PCDH15: variants seen among roughly 807,000 people sequenced by gnomAD.
PCDH15 encodes protocadherin related 15.
In PCDH15, 129 loss-of-function variants were observed where a neutral mutation model predicts 178.5. That is an observed-to-expected ratio of 0.72 (90% CI 0.63 to 0.84). PCDH15 has a LOEUF of 0.84. Among genes scored for constraint, PCDH15 ranks in the 40% least tolerant of loss-of-function variants. The pLI is 0.00. For missense variants in PCDH15, 2,230 were observed against 2,099.9 expected (o/e 1.06, Z -1.21); for synonymous variants, 800 against 732.0 (o/e 1.09, Z -1.50).
At chr10:54,731,574 A>C (rs1943405356) in intron 1 of PCDH15, among the ~76,000 whole-genome samples, 1 of 133,418 alleles carries the variant, frequency 7.5e-6, no homozygotes, top group South Asian at 2.4e-4. Flanking sequence ...ACACACACAC[A>C]CACACACACA....
chr10:55,258,881 T>A (rs1022803293), intron 1 of PCDH15, among the ~76,000 whole-genome samples: 1 of 150,980 alleles, frequency 6.6e-6, no homozygotes, highest in Non-Finnish European at 1.5e-5. Context: ...TCAAAAAGTA[T>A]CAAAAAACTG....
intron 3 of PCDH15, among the ~76,000 whole-genome samples, chr10:54,836,567 C>A (rs1244697996): frequency 6.6e-6 from 1 of 151,978 alleles, no homozygotes; most frequent in African/African-American, 2.4e-5. Context: ...GTGTGTGTCT[C>A]TGTGTGCATT....
At chr10:55,172,652 T>G (rs1839370116) in intron 1 of PCDH15, among the ~76,000 whole-genome samples, 1 of 152,048 alleles carries the variant, frequency 6.6e-6, no homozygotes, top group Non-Finnish European at 1.5e-5. Context: ...TATTTAGTCA[T>G]TACATTTTCC....
intron 2 of PCDH15, among the ~76,000 whole-genome samples, chr10:55,047,192 T>C (rs1337034784): frequency 6.6e-6 from 1 of 151,916 alleles, no homozygotes; most frequent in Non-Finnish European, 1.5e-5. Flanking sequence ...TTAGTATGGT[T>C]GAAATACTTA....
At chr10:55,531,708 A>G (rs935459945) in intron 2 of PCDH15, among the ~76,000 whole-genome samples, 19 of 152,044 alleles carry the variant, frequency 1.2e-4, no homozygotes, top group Admixed American at 1.1e-3. Flanking sequence ...TAATTGAATA[A>G]CAGATGTTGT....
chr10:54,192,217 GAGAA>G (rs2049110564), intron 11 of PCDH15, among the ~76,000 whole-genome samples: 3 of 146,984 alleles, frequency 2.0e-5, no homozygotes, highest in Non-Finnish European at 4.5e-5. Context: ...GAAGGAAAAA[GAGAA>G]AGAAAGGAGA....
intron 1 of PCDH15, among the ~76,000 whole-genome samples, chr10:55,214,641 T>G (rs1840655098): frequency 6.6e-6 from 1 of 151,964 alleles, no homozygotes; most frequent in African/African-American, 2.4e-5. Flanking sequence ...TTTCATGGAC[T>G]GTTTTTATTT....
chr10:55,386,493 T>A lies in PCDH15; in HGVS notation c.-155-219842A>T, dbSNP rs1045218214. Among the ~76,000 whole-genome samples the A allele has an allele frequency of 5.9e-5, 9 of 152,078 alleles. No individual in the cohort carries two copies. The South Asian group carries it at 8.3e-4, about 14-fold the overall frequency. On this transcript the variant is annotated intron_variant, in intron 2 of 5. Transcript: ENST00000613346. ...TCACTATTGTATTGGAGAATGCAAG[T>A]TAAAATAAAAAAGGATGCATTGTCT... is the stretch of plus-strand genomic sequence containing the variant.
intron 1 of PCDH15, among the ~76,000 whole-genome samples, chr10:54,797,052 G>A (rs1009069944): frequency 6.6e-6 from 1 of 151,970 alleles, no homozygotes; most frequent in African/African-American, 2.4e-5. Flanking sequence ...CCTTTTGAAT[G>A]ATGCACTTCA....
At chr10:54,480,271 TAAG>T (rs1301137548) in intron 3 of PCDH15, among the ~76,000 whole-genome samples, 7 of 152,162 alleles carry the variant, frequency 4.6e-5, no homozygotes, top group African/African-American at 1.2e-4. Context: ...GTGGGTCAAG[TAAG>T]AAGAAGTAAT....
At chr10:55,520,777 T>G (rs2132164290) in intron 2 of PCDH15, among the ~76,000 whole-genome samples, 1 of 151,990 alleles carries the variant, frequency 6.6e-6, no homozygotes, top group East Asian at 1.9e-4. Flanking sequence ...TCTCTCTGAT[T>G]ACTCTTCTGT....
chr10:55,163,879 G>A (rs192814694), intron 2 of PCDH15, among the ~76,000 whole-genome samples: 22 of 152,164 alleles, frequency 1.4e-4, no homozygotes, highest in Middle Eastern at 6.8e-3. Flanking sequence ...CTTGTTTAGC[G>A]CATGATCAAG....
At chr10:54,576,510 A>G (rs2133700849) in intron 2 of PCDH15, among the ~76,000 whole-genome samples, 1 of 152,354 alleles carries the variant, frequency 6.6e-6, no homozygotes, top group African/African-American at 2.4e-5. Context: ...ATCTTTGTAT[A>G]TATTCTATCC....
At position 53,806,633 on chromosome 10, in the gene PCDH15, T is replaced by TTCA. The variant is rs1554814635; in HGVS notation, c.5166_5168dup (p.Asp1722dup). Reference sequence around the variant, plus strand: ...TGTTCCAGGGGCCCATCCAAAGCTCTTCATCATCAGACTGTGTGTGGTCAC... The same window carrying TTCA: ...TGTTCCAGGGGCCCATCCAAAGCTCTTCATCATCATCAGACTGTGTGTGGTCAC... On this transcript the variant is annotated inframe_insertion, in exon 38 of 38. Transcript: ENST00000644397. 1 of 1,613,752 alleles carries TTCA rather than the reference T, an allele frequency of 6.2e-7. No homozygotes were observed. Among genetic ancestry groups the TTCA allele is most frequent in the East Asian group, 2.2e-5 (1 of 44,870 alleles).
At chr10:54,531,657 A>C (rs201725167) in intron 2 of PCDH15, among the ~76,000 whole-genome samples, 1 of 152,134 alleles carries the variant, frequency 6.6e-6, no homozygotes, top group African/African-American at 2.4e-5. Flanking sequence ...ACGTTGATCA[A>C]TGTGTTTTCA....
intron 2 of PCDH15, among the ~76,000 whole-genome samples, chr10:55,382,529 A>G (rs1837560703): frequency 6.6e-6 from 1 of 152,190 alleles, no homozygotes; most frequent in African/African-American, 2.4e-5. Flanking sequence ...AGGAAAACTT[A>G]TTCTCAGCTA....
At chr10:54,427,269 G>GTTTTTTTTTTTTTT (rs71007854) in intron 3 of PCDH15, among the ~76,000 whole-genome samples, 2 of 56,760 alleles carry the variant, frequency 3.5e-5, no homozygotes, top group African/African-American at 8.3e-5. Flanking sequence ...TCTTTTTCTG[G>GTTTTTTTTTTTTTT]TTTTTTTTTT....
intron 18 of PCDH15, among the ~76,000 whole-genome samples, chr10:54,047,762 C>T (rs1195324010): frequency 6.6e-6 from 1 of 152,200 alleles, no homozygotes; most frequent in East Asian, 1.9e-4. Flanking sequence ...TTTTTTATGA[C>T]TGTTTAGTAC....
At chr10:54,579,453 T>C (rs777681557) in intron 2 of PCDH15, among the ~76,000 whole-genome samples, 2 of 152,134 alleles carry the variant, frequency 1.3e-5, no homozygotes. Flanking sequence ...ATCTTAAATA[T>C]GCACACACTC....
Sources: gnomAD v4.1 joint callset for allele counts (sites outside exome capture counted in the v4.1 genomes callset) on GRCh38, gnomAD v4.1.1 for gene constraint, MANE v1.5 for transcripts, NCBI Gene and HGNC (gene_info 2026-07-23, HGNC 2026-07-21) for gene names.